GPC5: variants seen among roughly 807,000 people sequenced by gnomAD.
GPC5 encodes the protein glypican-5.
GPC5 carries 47 observed loss-of-function variants against 53.9 expected under a neutral mutation model. That is an observed-to-expected ratio of 0.87 (90% CI 0.69 to 1.11). GPC5 has a LOEUF of 1.11. GPC5 is among the 50% of genes most tolerant of loss of function. The probability of loss-of-function intolerance (pLI) is 0.00; values close to 1 mark genes in which losing one functional copy is unlikely to be tolerated. For synonymous variants in GPC5, 286 were observed against 263.3 expected, an observed-to-expected ratio of 1.09 and a Z score of -0.84; for missense variants, 748 against 713.1, an observed-to-expected ratio of 1.05 and a Z score of -0.56.
At chr13:91,675,129 C>G (rs561592857) in intron 2 of GPC5, among the ~76,000 whole-genome samples, 1 of 148,856 alleles carries the variant, frequency 6.7e-6, no homozygotes, top group South Asian at 2.1e-4. Context: ...CCCTAGGGCA[C>G]TATTTTGGTT....
intron 5 of GPC5, among the ~76,000 whole-genome samples, chr13:91,842,943 T>A (rs914385595): frequency 6.6e-6 from 1 of 152,150 alleles, no homozygotes; most frequent in African/African-American, 2.4e-5. Flanking sequence ...ACAATATGAA[T>A]TGTCTTTTTT....
At chr13:91,497,263 G>A (rs1884323104) in intron 2 of GPC5, among the ~76,000 whole-genome samples, 1 of 151,768 alleles carries the variant, frequency 6.6e-6, no homozygotes, top group South Asian at 2.1e-4. Context: ...AGGTAATTAT[G>A]TGTCAGCTAT....
intron 4 of GPC5, 32 bp downstream of exon 4, chr13:91,728,697 A>G: frequency 6.3e-7 from 1 of 1,596,096 alleles, no homozygotes; most frequent in Non-Finnish European, 8.5e-7. Context: ...CAGAAAGAGA[A>G]AAGAAAGTAA....
intron 7 of GPC5, among the ~76,000 whole-genome samples, chr13:92,292,451 A>G (rs748867226): frequency 2.0e-5 from 3 of 151,950 alleles, no homozygotes; most frequent in Non-Finnish European, 4.4e-5. Flanking sequence ...ATTTTTTCTT[A>G]CATTTGTTGG....
chr13:91,947,680 G>A (rs1367900348), intron 6 of GPC5, among the ~76,000 whole-genome samples: 1 of 152,204 alleles, frequency 6.6e-6, no homozygotes, highest in African/African-American at 2.4e-5. Context: ...GACACATTCA[G>A]TCTTTTGAAG....
chr13:92,840,731 T>C (rs1878406127), intron 7 of GPC5, among the ~76,000 whole-genome samples: 1 of 152,140 alleles, frequency 6.6e-6, no homozygotes, highest in Non-Finnish European at 1.5e-5. Flanking sequence ...TTCTAATTCA[T>C]GAACATGGGC....
intron 7 of GPC5, among the ~76,000 whole-genome samples, chr13:92,654,202 G>A (rs534615429): frequency 1.3e-5 from 2 of 152,240 alleles, no homozygotes; most frequent in Admixed American, 6.5e-5. Flanking sequence ...CCCTTAAAAT[G>A]TTTAAGTGCC....
intron 7 of GPC5, among the ~76,000 whole-genome samples, chr13:92,165,988 T>A (rs945901034): frequency 6.6e-6 from 1 of 152,222 alleles, no homozygotes; most frequent in Non-Finnish European, 1.5e-5. Context: ...TAGGATTGTC[T>A]CTGCAGATTG....
chr13:92,068,068 C>G (rs2041181051), intron 6 of GPC5, among the ~76,000 whole-genome samples: 1 of 151,784 alleles, frequency 6.6e-6, no homozygotes, highest in South Asian at 2.1e-4. Flanking sequence ...TTAGATCATT[C>G]TTAGGTGCCT....
At chr13:92,665,436 G>A (rs1478355589) in intron 7 of GPC5, among the ~76,000 whole-genome samples, 1 of 152,132 alleles carries the variant, frequency 6.6e-6, no homozygotes, top group Non-Finnish European at 1.5e-5. Flanking sequence ...TTGACCCTTG[G>A]CCCCAGTGCT....
At chr13:92,131,103 G>T (rs1274743647) in intron 6 of GPC5, among the ~76,000 whole-genome samples, 1 of 151,766 alleles carries the variant, frequency 6.6e-6, no homozygotes, top group Non-Finnish European at 1.5e-5. Context: ...ATCATTAATT[G>T]CTCAGAAATG....
At chr13:92,122,846 A>C (rs1270397400) in intron 6 of GPC5, among the ~76,000 whole-genome samples, 1 of 149,014 alleles carries the variant, frequency 6.7e-6, no homozygotes, top group Non-Finnish European at 1.5e-5. Flanking sequence ...TCTCTTCAGA[A>C]TGGTTAAAAT....
chr13:92,441,450 G>C (rs1038300747), intron 7 of GPC5, among the ~76,000 whole-genome samples: 1 of 152,148 alleles, frequency 6.6e-6, no homozygotes, highest in Non-Finnish European at 1.5e-5. Context: ...TAAATAATCC[G>C]TAAGGCTCCT....
intron 2 of GPC5, among the ~76,000 whole-genome samples, chr13:91,506,296 G>A (rs1884940470): frequency 6.6e-6 from 1 of 152,018 alleles, no homozygotes; most frequent in Non-Finnish European, 1.5e-5. Flanking sequence ...AGCATGAGAA[G>A]AAAATGAAAA....
At chr13:92,683,913 T>C (rs1416620311) in intron 7 of GPC5, among the ~76,000 whole-genome samples, 2 of 152,208 alleles carry the variant, frequency 1.3e-5, no homozygotes, top group Non-Finnish European at 2.9e-5. Context: ...TGATAAATCA[T>C]TTTTATCTGA....
rs1340811038 is a variant in GPC5 at position 91,586,565 on chromosome 13, G to A, written c.326-106622G>A. Among the ~76,000 whole-genome samples, 81 of 46,580 alleles carry A rather than the reference G, an allele frequency of 1.7e-3. 2 individuals carry two copies. The African/African-American group carries it at 0.019, about 11-fold the overall frequency. 30.6% of individuals were successfully genotyped at this position (46,580 alleles called of 152,430 possible). A position where few individuals can be genotyped will look rare whatever the true frequency, so the allele number is the denominator to read the frequency against. On this transcript the variant is annotated intron_variant, in intron 2 of 7. Coordinates refer to ENST00000377067, the MANE Select transcript of GPC5 (RefSeq NM_004466.6). ...ATATATATATATATATATATATGTA[G>A]AGAGAGAGAGAGAGAGAGAGAGAGA...
intron 6 of GPC5, among the ~76,000 whole-genome samples, chr13:92,119,554 C>A (rs1205813502): frequency 6.9e-6 from 1 of 145,550 alleles, no homozygotes; most frequent in African/African-American, 2.5e-5. Context: ...GCGCCCGCCA[C>A]CTCGCCTGGC....
chr13:92,455,594 A>G (rs1239287065), intron 7 of GPC5, among the ~76,000 whole-genome samples: 1 of 152,216 alleles, frequency 6.6e-6, no homozygotes, highest in African/African-American at 2.4e-5. Flanking sequence ...ATGACACATG[A>G]CTAATCATAG....
At chr13:91,450,114 A>G (rs944182410) in intron 2 of GPC5, among the ~76,000 whole-genome samples, 3 of 152,208 alleles carry the variant, frequency 2.0e-5, no homozygotes, top group Admixed American at 2.0e-4. Context: ...AGTGTAGTTC[A>G]TGATGAATTA....
Sources: allele counts gnomAD v4.1 joint callset (sites outside exome capture counted in the v4.1 genomes callset), GRCh38; gene constraint gnomAD v4.1.1; transcripts MANE v1.5; gene names NCBI Gene and HGNC (gene_info 2026-07-23, HGNC 2026-07-21).